The following PLPPR1 variants were observed in gnomAD, a reference collection of about 807,000 sequenced individuals.
PLPPR1 encodes phospholipid phosphatase related 1, also known as phospholipid phosphatase-related protein type 1.
A neutral mutation model predicts 33.1 loss-of-function variants in PLPPR1; 10 were observed. That is an observed-to-expected ratio of 0.30 (90% CI 0.19 to 0.51). The LOEUF (loss-of-function observed/expected upper bound fraction) is 0.51, where lower values mean the gene tolerates loss of function less well. Ranked by LOEUF, PLPPR1 falls within the 20% of genes least tolerant of loss-of-function variation. The probability of loss-of-function intolerance (pLI) is 0.97; values close to 1 mark genes in which losing one functional copy is unlikely to be tolerated. For synonymous variants in PLPPR1, 151 were observed against 151.0 expected (o/e 1.00, Z 0.00); for missense variants, 304 against 408.1 (o/e 0.74, Z 2.20).
At chr9:101,199,473 T>C (rs979850786) in intron 2 of PLPPR1, among the ~76,000 whole-genome samples, 1 of 152,226 alleles carries the variant, frequency 6.6e-6, no homozygotes, top group African/African-American at 2.4e-5. Flanking sequence ...AATTTACTCC[T>C]TCAGCAGACC....
chr9:101,291,939 G>C (rs1220098858), intron 4 of PLPPR1, among the ~76,000 whole-genome samples: 2 of 152,204 alleles, frequency 1.3e-5, no homozygotes, highest in African/African-American at 4.8e-5. Flanking sequence ...AAGCTGGATG[G>C]AGAATGACTT....
At chr9:101,249,198 G>C (rs1383392637) in intron 2 of PLPPR1, among the ~76,000 whole-genome samples, 2 of 152,082 alleles carry the variant, frequency 1.3e-5, no homozygotes, top group East Asian at 3.9e-4. Context: ...CAAATGTCTA[G>C]CAGTATCTCA....
chr9:101,204,637 A>G (rs568192808), intron 2 of PLPPR1, among the ~76,000 whole-genome samples: 3 of 152,082 alleles, frequency 2.0e-5, no homozygotes, highest in South Asian at 2.1e-4. Context: ...CCCCACTCCA[A>G]ACTGGGTCTT....
intron 1 of PLPPR1, among the ~76,000 whole-genome samples, chr9:101,162,365 C>A (rs1171405460): frequency 1.3e-5 from 2 of 152,146 alleles, no homozygotes. Context: ...CTGGATTGTT[C>A]CCAGGCTGTG....
chr9:101,109,390 C>T (rs1331006043), intron 1 of PLPPR1, among the ~76,000 whole-genome samples: 2 of 151,966 alleles, frequency 1.3e-5, no homozygotes, highest in African/African-American at 4.8e-5. Flanking sequence ...TTAGATTTCC[C>T]CAAGGGCGTA....
intron 1 of PLPPR1, among the ~76,000 whole-genome samples, chr9:101,078,198 G>C (rs1830572178): frequency 2.1e-5 from 1 of 47,292 alleles, no homozygotes; most frequent in East Asian, 9.7e-4. Context: ...GAGGGGGGGA[G>C]GGGGAGGGGG....
intron 1 of PLPPR1, among the ~76,000 whole-genome samples, chr9:101,065,920 G>A (rs1247479941): frequency 6.6e-6 from 1 of 151,918 alleles, no homozygotes; most frequent in Non-Finnish European, 1.5e-5. Context: ...CCCTATTGTT[G>A]ACATTACTAT....
At chr9:101,274,845 T>A (rs1362487855) in intron 3 of PLPPR1, among the ~76,000 whole-genome samples, 1 of 152,220 alleles carries the variant, frequency 6.6e-6, no homozygotes. Context: ...TGACCTCTGA[T>A]AAGCCATGTT....
At chr9:101,091,668 T>G (rs1447555041) in intron 1 of PLPPR1, among the ~76,000 whole-genome samples, 2 of 152,222 alleles carry the variant, frequency 1.3e-5, no homozygotes, top group African/African-American at 4.8e-5. Context: ...ATCTGCAACC[T>G]TAATCCCCCT....
At chr9:101,194,241 T>C (rs948159024) in intron 2 of PLPPR1, among the ~76,000 whole-genome samples, 10 of 152,214 alleles carry the variant, frequency 6.6e-5, no homozygotes, top group Non-Finnish European at 1.5e-4. Context: ...AACCCAGCTA[T>C]ATAAAATCTT....
intron 2 of PLPPR1, among the ~76,000 whole-genome samples, chr9:101,257,496 G>A (rs1313862500): frequency 1.3e-5 from 2 of 152,146 alleles, no homozygotes; most frequent in Non-Finnish European, 2.9e-5. Context: ...GAGGGATTGG[G>A]ATAGTCACAC....
chr9:101,208,753 A>T (rs563805828), intron 2 of PLPPR1, among the ~76,000 whole-genome samples: 1 of 152,328 alleles, frequency 6.6e-6, no homozygotes, highest in Non-Finnish European at 1.5e-5. Context: ...GTGGTTTTCT[A>T]AAAGACCCAC....
intron 2 of PLPPR1, among the ~76,000 whole-genome samples, chr9:101,210,046 T>C (rs1826661395): frequency 6.6e-6 from 1 of 152,226 alleles, no homozygotes; most frequent in South Asian, 2.1e-4. Context: ...TGTAGGATTA[T>C]TTTTAGAATT....
intron 2 of PLPPR1, among the ~76,000 whole-genome samples, chr9:101,261,293 A>G (rs1382838731): frequency 6.6e-6 from 1 of 152,194 alleles, no homozygotes; most frequent in Non-Finnish European, 1.5e-5. Context: ...CTTCCCTGAC[A>G]GAAAACCCCA....
chr9:101,297,784 T>C (rs905242822), intron 4 of PLPPR1, among the ~76,000 whole-genome samples: 1 of 152,190 alleles, frequency 6.6e-6, no homozygotes, highest in Admixed American at 6.5e-5. Flanking sequence ...TCTCTCTCAT[T>C]TTTTCCCTCT....
intron 2 of PLPPR1, among the ~76,000 whole-genome samples, chr9:101,240,003 A>G (rs548793274): frequency 6.6e-6 from 1 of 151,998 alleles, no homozygotes; most frequent in East Asian, 1.9e-4. Context: ...CTCTTAAGTT[A>G]TCTCCTAGTA....
chr9:101,136,278 T>C (rs992677927), intron 1 of PLPPR1, among the ~76,000 whole-genome samples: 12 of 152,234 alleles, frequency 7.9e-5, no homozygotes, highest in Non-Finnish European at 1.8e-4. Flanking sequence ...CCAGAGTGCC[T>C]GGAAGAAACA....
chr9:101,199,644 T>G (rs1388453457), intron 2 of PLPPR1, among the ~76,000 whole-genome samples: 2 of 152,214 alleles, frequency 1.3e-5, no homozygotes, highest in Non-Finnish European at 2.9e-5. Context: ...CATTATATTT[T>G]CTTTAGGAGC....
At chr9:101,196,477 T>C (rs902059312) in intron 2 of PLPPR1, among the ~76,000 whole-genome samples, 53 of 152,352 alleles carry the variant, frequency 3.5e-4, no homozygotes, top group Admixed American at 8.5e-4. Context: ...TTAATAATTA[T>C]GAAAAATAAA....
Sources: gnomAD v4.1 joint callset for allele counts (sites outside exome capture counted in the v4.1 genomes callset) on GRCh38, gnomAD v4.1.1 for gene constraint, MANE v1.5 for transcripts, NCBI Gene and HGNC (gene_info 2026-07-23, HGNC 2026-07-21) for gene names.